THTPA: variants seen among roughly 807,000 people sequenced by gnomAD.
THTPA encodes the protein thiamine-triphosphatase.
THTPA carries 16 observed loss-of-function variants against 16.5 expected under a neutral mutation model. The observed-to-expected ratio is 0.97, with a 90% CI of 0.66 to 1.47. The LOEUF (loss-of-function observed/expected upper bound fraction) is 1.47, where lower values mean the gene tolerates loss of function less well. THTPA is among the 40% of genes most tolerant of loss of function. The pLI is 0.00. For synonymous variants in THTPA, 110 were observed against 115.5 expected (o/e 0.95, Z 0.30); for missense variants, 281 against 280.9 (o/e 1.00, Z 0.00).
chr14:23,515,969 G>A, the THTPA span, among the ~76,000 whole-genome samples: 1 of 152,066 alleles, frequency 6.6e-6, no homozygotes, highest in Non-Finnish European at 1.5e-5. Context: ...GGTGGGAGTC[G>A]GGGTGATGTC....
the THTPA span, chr14:23,529,646 T>A: frequency 7.1e-7 from 1 of 1,412,856 alleles, no homozygotes; most frequent in Non-Finnish European, 9.7e-7. Context: ...GCCTTTAGAA[T>A]ATGAGCAGAT....
the THTPA span, chr14:23,534,923 C>G: frequency 6.5e-7 from 1 of 1,536,172 alleles, no homozygotes; most frequent in South Asian, 1.2e-5. This position sits in a 1 kb window ranked among gnomAD's most constrained non-coding sequence, Gnocchi z 4.5. Flanking sequence ...AACAGGAGTT[C>G]ACTGCCACCT....
At chr14:23,523,164 G>A in the THTPA span, 1 of 1,410,194 alleles carries the variant, frequency 7.1e-7, no homozygotes, top group Non-Finnish European at 9.2e-7. This position sits in a 1 kb window ranked among gnomAD's most constrained non-coding sequence, Gnocchi z 4.1. Flanking sequence ...AGAGGGGGAT[G>A]TTCTCTGAAG....
the THTPA span, chr14:23,528,614 G>A: frequency 4.1e-6 from 4 of 985,380 alleles, no homozygotes; most frequent in Non-Finnish European, 4.8e-6. Context: ...ACCATCACCT[G>A]GAAAGGGGCC....
At chr14:23,522,171 G>C in the THTPA span, 1 of 1,499,428 alleles carries the variant, frequency 6.7e-7, no homozygotes, top group South Asian at 1.3e-5. Context: ...CGCCCACTCA[G>C]CAGCACCTCA....
chr14:23,555,444 C>T (rs948594339), upstream of THTPA, among the ~76,000 whole-genome samples: 7 of 152,186 alleles, frequency 4.6e-5, no homozygotes, highest in African/African-American at 1.2e-4. Context: ...TTACGTACCA[C>T]CCAGGTGCTC....
At chr14:23,540,449 G>A in the THTPA span, among the ~76,000 whole-genome samples, 3 of 151,892 alleles carry the variant, frequency 2.0e-5, no homozygotes, top group Non-Finnish European at 4.4e-5. Context: ...TCCCCTTTTT[G>A]TCTCAACCTG....
chr14:23,527,502 C>A, the THTPA span: 12 of 1,432,642 alleles, frequency 8.4e-6, no homozygotes, highest in Admixed American at 4.0e-5. Context: ...ATGCCCCCTG[C>A]CCCCAACACA....
chr14:23,535,054 C>T, the THTPA span: 3 of 1,536,236 alleles, frequency 2.0e-6, no homozygotes, highest in Non-Finnish European at 2.6e-6. This position sits in a 1 kb window ranked among gnomAD's most constrained non-coding sequence, Gnocchi z 4.5. Flanking sequence ...CTTTTCCACC[C>T]CTGGGTCATT....
At position 23,559,005 on chromosome 14, in the gene THTPA, TG is replaced by T; in HGVS notation, c.*167del. Reference sequence around the variant, plus strand: ...AAGCTACTCTTCCTTGAGCCCTCCCTGGCTGCTTCCTCTCGCTCATCCGTCA... The same window carrying T: ...AAGCTACTCTTCCTTGAGCCCTCCCTGCTGCTTCCTCTCGCTCATCCGTCA... On this transcript the variant is annotated 3_prime_UTR_variant, in exon 2 of 2. Transcript: ENST00000288014. 1.2e-6 allele frequency: 1 copy of T among 832,786 alleles called. No individual in the cohort carries two copies. 51.6% of individuals were successfully genotyped at this position (832,786 alleles called of 1,614,324 possible).
chr14:23,519,638 C>T, the THTPA span, among the ~76,000 whole-genome samples: 4 of 152,106 alleles, frequency 2.6e-5, no homozygotes, highest in Non-Finnish European at 4.4e-5. Context: ...TAACTCCACC[C>T]CACCCCTAAT....
the THTPA span, among the ~76,000 whole-genome samples, chr14:23,540,705 C>T: frequency 6.6e-6 from 1 of 152,316 alleles, no homozygotes; most frequent in South Asian, 2.1e-4. Flanking sequence ...GAGCCTTAGT[C>T]TCCTTATCTG....
the THTPA span, chr14:23,534,162 T>G: frequency 6.1e-6 from 9 of 1,471,772 alleles, no homozygotes; most frequent in Admixed American, 4.7e-5. This position sits in a 1 kb window ranked among gnomAD's most constrained non-coding sequence, Gnocchi z 4.5. Context: ...TTTGGTTGAG[T>G]GGGGGGCAGA....
At chr14:23,541,351 C>T in the THTPA span, among the ~76,000 whole-genome samples, 3 of 147,800 alleles carry the variant, frequency 2.0e-5, no homozygotes, top group East Asian at 4.0e-4. Flanking sequence ...TACAATGGTG[C>T]GATCTTGGCT....
At chr14:23,518,357 CCTGGAATAAAAGG>C in the THTPA span, among the ~76,000 whole-genome samples, 2 of 152,176 alleles carry the variant, frequency 1.3e-5, no homozygotes, top group African/African-American at 4.8e-5. The surrounding 1 kb of genome is among the most constrained non-coding windows in gnomAD (Gnocchi z 4.5). Flanking sequence ...TGCTATTATG[CCTGGAATAAAAGG>C]CTTGCTTGGT....
At chr14:23,549,006 A>G in the THTPA span, among the ~76,000 whole-genome samples, 1 of 151,814 alleles carries the variant, frequency 6.6e-6, no homozygotes, top group Non-Finnish European at 1.5e-5. Flanking sequence ...TTTGCCATCC[A>G]TTTACCTTCT....
the THTPA span, chr14:23,521,871 G>A: frequency 2.0e-6 from 3 of 1,502,368 alleles, no homozygotes; most frequent in South Asian, 1.3e-5. Context: ...GCCAGGGGGT[G>A]GGGTGAGGGA....
chr14:23,512,336 C>A, the THTPA span, among the ~76,000 whole-genome samples: 1,460 of 151,758 alleles, frequency 9.6e-3, 24 homozygotes, highest in African/African-American at 0.032. Flanking sequence ...CACACACACA[C>A]AAAAAGGAAA....
At chr14:23,538,291 A>G in the THTPA span, among the ~76,000 whole-genome samples, 1 of 151,990 alleles carries the variant, frequency 6.6e-6, no homozygotes, top group African/African-American at 2.4e-5. Context: ...AATTGCAAAT[A>G]TATCTCTGCC....
Sources: allele counts gnomAD v4.1 joint callset (sites outside exome capture counted in the v4.1 genomes callset), GRCh38; gene constraint gnomAD v4.1.1; non-coding constraint Gnocchi (gnomAD v3.1); transcripts MANE v1.5; gene names NCBI Gene and HGNC (gene_info 2026-07-23, HGNC 2026-07-21).